Variants in LDAH observed in about 807,000 individuals in gnomAD.
The protein encoded by LDAH is lipid droplet associated hydrolase.
LDAH carries 26 observed loss-of-function variants against 29.6 expected under a neutral mutation model. The ratio of observed to expected loss-of-function variants is 0.88; its 90% CI spans 0.64 to 1.22. The LOEUF is 1.22. LDAH is among the 50% of genes most tolerant of loss of function. The pLI, the probability that LDAH is intolerant of heterozygous loss-of-function variation, is 0.00. For synonymous variants in LDAH, 117 were observed against 133.0 expected, an observed-to-expected ratio of 0.88 and a Z score of 0.83; for missense variants, 344 against 387.3, an observed-to-expected ratio of 0.89 and a Z score of 0.94.
At chr2:20,771,265 C>T (rs919819653) in intron 4 of LDAH, among the ~76,000 whole-genome samples, 1 of 152,058 alleles carries the variant, frequency 6.6e-6, no homozygotes, top group Non-Finnish European at 1.5e-5. Flanking sequence ...GAAAATATTA[C>T]AAAGAGCTGA....
At chr2:20,709,161 A>T (rs555826353) in intron 5 of LDAH, among the ~76,000 whole-genome samples, 211 of 152,336 alleles carry the variant, frequency 1.4e-3, no homozygotes, top group Non-Finnish European at 2.5e-3. Flanking sequence ...AATGGGTTGC[A>T]GTCAAAACTT....
intron 4 of LDAH, among the ~76,000 whole-genome samples, chr2:20,770,030 G>C (rs996426881): frequency 2.6e-5 from 4 of 152,032 alleles, no homozygotes; most frequent in African/African-American, 4.8e-5. Context: ...CAGGACACAG[G>C]CACATTCCTT....
intron 5 of LDAH, among the ~76,000 whole-genome samples, chr2:20,707,455 T>C (rs765642466): frequency 6.6e-6 from 1 of 152,208 alleles, no homozygotes; most frequent in Non-Finnish European, 1.5e-5. Flanking sequence ...ATGCTTGCCA[T>C]GTTAACACAC....
intron 6 of LDAH, among the ~76,000 whole-genome samples, chr2:20,689,431 C>T (rs1662828170): frequency 6.6e-6 from 1 of 152,168 alleles, no homozygotes; most frequent in Non-Finnish European, 1.5e-5. Flanking sequence ...CTAGCAGTTG[C>T]CTAGTTCTTC....
intron 4 of LDAH, among the ~76,000 whole-genome samples, chr2:20,772,368 C>G (rs1412613557): frequency 6.6e-6 from 1 of 152,216 alleles, no homozygotes; most frequent in East Asian, 1.9e-4. Context: ...CAACTAACAA[C>G]AAATAACTAC....
chr2:20,707,310 T>C (rs1225358183), intron 5 of LDAH, among the ~76,000 whole-genome samples: 1 of 152,164 alleles, frequency 6.6e-6, no homozygotes, highest in East Asian at 1.9e-4. Context: ...CAATGAAGGC[T>C]CTGGGCCATG....
chr2:20,742,708 T>C (rs1438078768), intron 4 of LDAH, among the ~76,000 whole-genome samples: 2 of 152,170 alleles, frequency 1.3e-5, no homozygotes, highest in African/African-American at 2.4e-5. Flanking sequence ...AGTGGGGTTC[T>C]TGTAAACAAC....
chr2:20,685,767 G>T lies in LDAH; in HGVS notation c.*1136C>A. 3 of 1,340,250 alleles carry T rather than the reference G, an allele frequency of 2.2e-6. No individual in the cohort carries two copies. The highest frequency in any genetic ancestry group is 2.6e-5 in the East Asian group (1 of 39,098). The allele number at this position is 1,340,250 out of a possible 1,614,324, so 83.0% of individuals were successfully genotyped here. A position where few individuals can be genotyped will look rare whatever the true frequency, so the allele number is the denominator to read the frequency against. On this transcript the variant is annotated 3_prime_UTR_variant, in exon 7 of 7. Coordinates refer to ENST00000237822, the MANE Select transcript of LDAH (RefSeq NM_021925.4). ...CAGCAATATTGTCAGCCCACTCTAG[G>T]CCAGGGAATATGTGTCTTCTCTGCC...
intron 3 of LDAH, among the ~76,000 whole-genome samples, chr2:20,775,567 C>A (rs1030788040): frequency 6.6e-6 from 1 of 152,140 alleles, no homozygotes; most frequent in African/African-American, 2.4e-5. Context: ...CATGACATGA[C>A]TTAATTATTT....
intron 3 of LDAH, chr2:20,788,859 GTTATTTTTTCTCTCATTTT>G: frequency 3.1e-6 from 1 of 325,444 alleles, no homozygotes; most frequent in Non-Finnish European, 5.7e-6. Flanking sequence ...TTATATTTAA[GTTATTTTTTCTCTCATTTT>G]TTATTTTTTG....
intron 6 of LDAH, among the ~76,000 whole-genome samples, chr2:20,688,456 A>C (rs1239484589): frequency 6.6e-6 from 1 of 152,198 alleles, no homozygotes. Flanking sequence ...TCCACAAGGC[A>C]AAAAAGACTG....
In LDAH at chr2:20,711,654, G is replaced by A. The variant is rs368665019; in HGVS notation, c.704-10002C>T. On this transcript the variant is annotated intron_variant, in intron 5 of 6. Coordinates refer to ENST00000237822, the MANE Select transcript of LDAH (RefSeq NM_021925.4). ...TAGCCAAGAGAAGCCATGACAGACTGTACCTGGAAAAATGGGACACTCTTG... is the reference window on the plus strand; with the variant it reads ...TAGCCAAGAGAAGCCATGACAGACTATACCTGGAAAAATGGGACACTCTTG... Among the ~76,000 whole-genome samples, 16 of 152,250 alleles carry A rather than the reference G, an allele frequency of 1.1e-4. 1 individual carries two copies. In the East Asian group the frequency reaches 1.9e-3, roughly 18 times the overall value.
At chr2:20,822,688 C>A (rs940918312) in intron 1 of LDAH, among the ~76,000 whole-genome samples, 6 of 152,150 alleles carry the variant, frequency 3.9e-5, no homozygotes, top group African/African-American at 1.4e-4. Flanking sequence ...GAGTTTGACC[C>A]CTCCTAGCGA....
At chr2:20,797,320 C>T (rs1002489682) in intron 2 of LDAH, among the ~76,000 whole-genome samples, 69 of 152,170 alleles carry the variant, frequency 4.5e-4, no homozygotes, top group African/African-American at 1.6e-3. Flanking sequence ...ACCTCCTTTC[C>T]CCTGTTCCTC....
intron 4 of LDAH, among the ~76,000 whole-genome samples, chr2:20,750,652 T>C (rs1475734521): frequency 6.6e-6 from 1 of 152,210 alleles, no homozygotes; most frequent in Non-Finnish European, 1.5e-5. Context: ...TTAAGCACAT[T>C]TGTCACCATT....
At chr2:20,816,633 C>G (rs519025) in intron 1 of LDAH, among the ~76,000 whole-genome samples, 1 of 151,740 alleles carries the variant, frequency 6.6e-6, no homozygotes, top group East Asian at 1.9e-4. Flanking sequence ...ACAGAGACAT[C>G]CATAATTATA....
intron 4 of LDAH, among the ~76,000 whole-genome samples, chr2:20,744,790 C>T (rs950649937): frequency 6.6e-6 from 1 of 152,136 alleles, no homozygotes; most frequent in African/African-American, 2.4e-5. Flanking sequence ...ATGAGTGGGT[C>T]CTCCTGGAGT....
chr2:20,810,267 T>C (rs917125736), intron 1 of LDAH, among the ~76,000 whole-genome samples: 2 of 152,370 alleles, frequency 1.3e-5, no homozygotes, highest in East Asian at 3.9e-4. Context: ...AACACCTGCA[T>C]GTGCCTTCTC....
At chr2:20,693,963 G>A (rs914554794) in intron 6 of LDAH, among the ~76,000 whole-genome samples, 2 of 152,242 alleles carry the variant, frequency 1.3e-5, no homozygotes, top group African/African-American at 4.8e-5. Flanking sequence ...CTTTCTTCCA[G>A]AGGTCTAAGA....
Sources: gnomAD v4.1 joint callset for allele counts (sites outside exome capture counted in the v4.1 genomes callset) on GRCh38, gnomAD v4.1.1 for gene constraint, MANE v1.5 for transcripts, NCBI Gene and HGNC (gene_info 2026-07-23, HGNC 2026-07-21) for gene names.